The following CNTN1 variants were observed in gnomAD, a reference collection of about 807,000 sequenced individuals.
CNTN1 encodes contactin-1.
A neutral mutation model predicts 126.4 loss-of-function variants in CNTN1; 38 were observed. The observed-to-expected ratio is 0.30, with a 90% confidence interval of 0.23 to 0.39. CNTN1 has a LOEUF of 0.39. CNTN1 is among the 10% of genes least tolerant of loss of function. The pLI, the probability that CNTN1 is intolerant of heterozygous loss-of-function variation, is 1.00. For synonymous variants in CNTN1, 413 were observed against 422.6 expected (o/e 0.98, Z 0.28); for missense variants, 1,009 against 1,248.4 (o/e 0.81, Z 2.89).
intron 1 of CNTN1, among the ~76,000 whole-genome samples, chr12:40,713,278 G>A (rs1329329975): frequency 1.3e-5 from 2 of 151,102 alleles, no homozygotes; most frequent in Non-Finnish European, 1.5e-5. Context: ...GTCATCTAGA[G>A]GAGTATTTTT....
intron 1 of CNTN1, among the ~76,000 whole-genome samples, chr12:40,808,608 A>AT (rs1260652565): frequency 2.0e-5 from 3 of 152,148 alleles, no homozygotes; most frequent in Admixed American, 6.6e-5. Context: ...GATGACTGTG[A>AT]TTTTTTTAAA....
At position 41,027,759 on chromosome 12, in the gene CNTN1, G is replaced by T. The variant is rs569634455; in HGVS notation, c.2711-98G>T. On this transcript the variant is annotated intron_variant, in intron 21 of 23. Coordinates refer to ENST00000551295, the MANE Select transcript of CNTN1 (RefSeq NM_001843.4). ...ACACTTATTAAAACTAGATGGTGGT[G>T]GTCATTATCATCAGCATTATAATAC... The T allele has an allele frequency of 4.6e-5, 36 of 783,328 alleles. No homozygotes were observed. In the African/African-American group the frequency reaches 5.8e-4, roughly 13 times the overall value. The allele number at this position is 783,328 out of a possible 1,614,324, so 48.5% of individuals were successfully genotyped here. A position where few individuals can be genotyped will look rare whatever the true frequency, so the allele number is the denominator to read the frequency against.
At chr12:40,943,805 ATTTG>A in intron 13 of CNTN1, 81 bp downstream of exon 13, 1 of 1,525,756 alleles carries the variant, frequency 6.6e-7, no homozygotes, top group Non-Finnish European at 9.0e-7. Flanking sequence ...CAGTCAATGT[ATTTG>A]TAAGTTTCTT....
chr12:40,954,167 T>C (rs1307548647), intron 14 of CNTN1, among the ~76,000 whole-genome samples: 6 of 152,072 alleles, frequency 3.9e-5, no homozygotes, highest in African/African-American at 1.2e-4. Context: ...AAAAGTGCTT[T>C]TTACTTGTAT....
intron 1 of CNTN1, among the ~76,000 whole-genome samples, chr12:40,731,483 A>C (rs965528695): frequency 2.0e-5 from 3 of 152,050 alleles, no homozygotes; most frequent in Non-Finnish European, 4.4e-5. Context: ...GTCTGAGCAA[A>C]AAATCCTCAG....
chr12:40,732,124 AC>A (rs1189884180), intron 1 of CNTN1, among the ~76,000 whole-genome samples: 1 of 152,004 alleles, frequency 6.6e-6, no homozygotes, highest in East Asian at 1.9e-4. Context: ...TGCTCATTAA[AC>A]CATTTGCCTC....
intron 1 of CNTN1, among the ~76,000 whole-genome samples, chr12:40,771,705 G>A (rs1210946304): frequency 6.6e-6 from 1 of 151,940 alleles, no homozygotes; most frequent in Non-Finnish European, 1.5e-5. Flanking sequence ...CCCTACCCAA[G>A]GAGAACGGCC....
intron 16 of CNTN1, among the ~76,000 whole-genome samples, chr12:40,987,935 CTTT>C (rs79306393): frequency 1.4e-5 from 2 of 140,122 alleles, no homozygotes; most frequent in African/African-American, 5.2e-5. Context: ...GGACAGTATC[CTTT>C]TTTTTTTTTT....
At chr12:40,931,700 C>G (rs1203846070) in intron 7 of CNTN1, among the ~76,000 whole-genome samples, 3 of 151,926 alleles carry the variant, frequency 2.0e-5, no homozygotes, top group Non-Finnish European at 4.4e-5. Context: ...ATCTTCAGGA[C>G]AGCTAACCCT....
At chr12:40,886,980 G>A (rs1488599498) in intron 1 of CNTN1, among the ~76,000 whole-genome samples, 12 of 151,882 alleles carry the variant, frequency 7.9e-5, no homozygotes, top group East Asian at 1.9e-4. Context: ...GCCTTGTAGT[G>A]TAGTTTGAAG....
At chr12:40,722,616 A>G (rs1017817657) in intron 1 of CNTN1, among the ~76,000 whole-genome samples, 1 of 152,158 alleles carries the variant, frequency 6.6e-6, no homozygotes, top group Non-Finnish European at 1.5e-5. Context: ...ATACATACGT[A>G]CACACACATG....
intron 15 of CNTN1, chr12:40,971,676 A>G: frequency 2.8e-6 from 4 of 1,427,854 alleles, no homozygotes; most frequent in East Asian, 2.7e-5. Context: ...TTGGGCATAA[A>G]TATTTTTTAA....
At chr12:40,819,695 G>T (rs1398658182) in intron 1 of CNTN1, among the ~76,000 whole-genome samples, 1 of 152,160 alleles carries the variant, frequency 6.6e-6, no homozygotes, top group Non-Finnish European at 1.5e-5. Context: ...GCCAGTGCTG[G>T]TCGCCCCTCC....
At chr12:41,051,581 A>G (rs1445207026) in intron 23 of CNTN1, among the ~76,000 whole-genome samples, 1 of 152,082 alleles carries the variant, frequency 6.6e-6, no homozygotes, top group African/African-American at 2.4e-5. Flanking sequence ...ATCTACTATT[A>G]TATTATTCTA....
At chr12:40,870,601 T>C (rs1332549023) in intron 1 of CNTN1, among the ~76,000 whole-genome samples, 1 of 152,092 alleles carries the variant, frequency 6.6e-6, no homozygotes, top group East Asian at 1.9e-4. Context: ...ATAAATCAAA[T>C]TTTAATCAGT....
At chr12:40,870,623 A>G (rs1045010635) in intron 1 of CNTN1, among the ~76,000 whole-genome samples, 5 of 152,136 alleles carry the variant, frequency 3.3e-5, no homozygotes, top group African/African-American at 1.2e-4. Context: ...TTTATTGAGC[A>G]CCTGCTAACA....
At chr12:40,846,761 A>T (rs1047969771) in intron 1 of CNTN1, among the ~76,000 whole-genome samples, 4 of 151,612 alleles carry the variant, frequency 2.6e-5, no homozygotes, top group Non-Finnish European at 5.9e-5. Context: ...GCACATTCTC[A>T]GCTCACCAAA....
At chr12:40,759,981 A>G (rs1220774870) in intron 1 of CNTN1, among the ~76,000 whole-genome samples, 1 of 152,004 alleles carries the variant, frequency 6.6e-6, no homozygotes, top group Non-Finnish European at 1.5e-5. Context: ...TCTTAAATAT[A>G]GACATCTCAG....
chr12:40,828,880 G>T (rs1040975319), intron 1 of CNTN1, among the ~76,000 whole-genome samples: 1 of 152,108 alleles, frequency 6.6e-6, no homozygotes, highest in African/African-American at 2.4e-5. Context: ...GTGCTGGTTT[G>T]GTTTTGTTTT....
Sources: allele counts gnomAD v4.1 joint callset (sites outside exome capture counted in the v4.1 genomes callset), GRCh38; gene constraint gnomAD v4.1.1; transcripts MANE v1.5; gene names NCBI Gene and HGNC (gene_info 2026-07-23, HGNC 2026-07-21).